GRID2: variants seen among roughly 807,000 people sequenced by gnomAD.
GRID2 encodes the protein glutamate ionotropic receptor delta type subunit 2, also known as glutamate receptor ionotropic, delta-2.
In GRID2, 33 loss-of-function variants were observed where a neutral mutation model predicts 114.8. The observed-to-expected ratio is 0.29, with a 90% confidence interval of 0.22 to 0.38. The LOEUF (loss-of-function observed/expected upper bound fraction) is 0.38, where lower values mean the gene tolerates loss of function less well. Ranked by LOEUF, GRID2 falls within the 10% of genes least tolerant of loss-of-function variation. The probability of loss-of-function intolerance (pLI) is 1.00; values close to 1 mark genes in which losing one functional copy is unlikely to be tolerated. For synonymous variants in GRID2, 505 were observed against 449.9 expected, an observed-to-expected ratio of 1.12 and a Z score of -1.55; for missense variants, 1,184 against 1,257.7, an observed-to-expected ratio of 0.94 and a Z score of 0.89.
intron 2 of GRID2, among the ~76,000 whole-genome samples, chr4:92,601,174 A>T (rs1560482603): frequency 6.6e-6 from 1 of 152,226 alleles, no homozygotes; most frequent in Non-Finnish European, 1.5e-5. Flanking sequence ...TCTGCCACAG[A>T]TCAAGTGGAC....
intron 4 of GRID2, among the ~76,000 whole-genome samples, chr4:93,124,117 G>GAA (rs67692016): frequency 0.39 from 56,598 of 143,480 alleles, 11,440 homozygotes; most frequent in Admixed American, 0.55. Flanking sequence ...AAAAAAAAAA[G>GAA]AAAAAAAAAA....
chr4:92,319,472 A>G (rs1273655434), intron 1 of GRID2, among the ~76,000 whole-genome samples: 2 of 152,248 alleles, frequency 1.3e-5, no homozygotes, highest in Non-Finnish European at 2.9e-5. Context: ...CCTTAGAGGC[A>G]GCAAAGAGGT....
chr4:93,189,526 A>G (rs2149445414), intron 4 of GRID2, among the ~76,000 whole-genome samples: 1 of 152,310 alleles, frequency 6.6e-6, no homozygotes, highest in Admixed American at 6.5e-5. Flanking sequence ...TTGGAGGGAT[A>G]CAAACATTCA....
At chr4:92,878,141 A>G (rs1427485691) in intron 2 of GRID2, among the ~76,000 whole-genome samples, 1 of 152,180 alleles carries the variant, frequency 6.6e-6, no homozygotes, top group Admixed American at 6.5e-5. Context: ...AAGCAGTTAG[A>G]TATCTACTTT....
chr4:93,341,277 T>C (rs1021106789), intron 8 of GRID2, among the ~76,000 whole-genome samples: 2 of 152,092 alleles, frequency 1.3e-5, no homozygotes, highest in Non-Finnish European at 2.9e-5. Flanking sequence ...TCTAAAACTT[T>C]TTTTTCCCCT....
chr4:93,772,435 T>C lies in GRID2; in HGVS notation c.2961T>C (p.Tyr987=). The change falls in exon 16 of 16, where the codon TAT becomes TAC. Residue 987 remains tyrosine (Y), a synonymous_variant. Coordinates refer to ENST00000282020, the MANE Select transcript of GRID2 (RefSeq NM_001510.4). ...TAAAAACAATGTCATCTATTCCTTATCAACCAACTCCTACCCTGGGGCTCA... is the reference window on the plus strand; with the variant it reads ...TAAAAACAATGTCATCTATTCCTTACCAACCAACTCCTACCCTGGGGCTCA... The part of the protein sequence containing the change: ...SPIKTMSSIP[Y]QPTPTLGLNL... 1 of 1,613,436 alleles carries C rather than the reference T, an allele frequency of 6.2e-7. No individual in the cohort carries two copies. Among genetic ancestry groups the C allele is most frequent in the Non-Finnish European group, 8.5e-7 (1 of 1,179,612 alleles).
At chr4:93,082,915 C>T (rs1268466442) in intron 2 of GRID2, among the ~76,000 whole-genome samples, 1 of 152,128 alleles carries the variant, frequency 6.6e-6, no homozygotes, top group African/African-American at 2.4e-5. Context: ...TAATATATGA[C>T]TTTTCATTTT....
chr4:93,204,194 T>C (rs1742418696), intron 4 of GRID2: 1 of 152,192 alleles, frequency 6.6e-6, no homozygotes, highest in African/African-American at 2.4e-5. Context: ...TTTAGTAACC[T>C]AAATTGGAGA....
intron 14 of GRID2, among the ~76,000 whole-genome samples, chr4:93,732,661 C>A (rs963858973): frequency 6.6e-6 from 1 of 151,662 alleles, no homozygotes; most frequent in Non-Finnish European, 1.5e-5. Context: ...TGTTTTCTTC[C>A]CCCATCAAGC....
chr4:93,318,824 G>A (rs1756943116), intron 8 of GRID2: 1 of 152,124 alleles, frequency 6.6e-6, no homozygotes, highest in Non-Finnish European at 1.5e-5. Context: ...GGCATGGCTG[G>A]AGTCACAGCA....
intron 8 of GRID2, among the ~76,000 whole-genome samples, chr4:93,392,239 TA>T (rs753110177): frequency 1.3e-5 from 2 of 151,672 alleles, no homozygotes; most frequent in Admixed American, 6.6e-5. Flanking sequence ...GACTCATTGT[TA>T]AAAAAAACAG....
intron 1 of GRID2, among the ~76,000 whole-genome samples, chr4:92,457,746 A>G (rs1165946948): frequency 6.6e-6 from 1 of 152,084 alleles, no homozygotes; most frequent in Admixed American, 6.6e-5. Context: ...TTTGCCTCCA[A>G]GAGAAAAGGC....
At chr4:92,652,247 T>G (rs1048761857) in intron 2 of GRID2, among the ~76,000 whole-genome samples, 2 of 151,990 alleles carry the variant, frequency 1.3e-5, no homozygotes, top group African/African-American at 4.8e-5. Context: ...CTTTACTCGG[T>G]CTACTGATTC....
chr4:93,225,230 T>C (rs185240096), intron 7 of GRID2, among the ~76,000 whole-genome samples: 3 of 152,326 alleles, frequency 2.0e-5, no homozygotes, highest in East Asian at 3.9e-4. Context: ...AAGTAGATAA[T>C]ATGTTGCAGC....
intron 2 of GRID2, among the ~76,000 whole-genome samples, chr4:93,001,000 A>G (rs1432515476): frequency 6.6e-6 from 1 of 151,656 alleles, no homozygotes; most frequent in Non-Finnish European, 1.5e-5. Flanking sequence ...GTAGATAAAT[A>G]AAATAAATAG....
At chr4:93,149,752 G>A (rs773874133) in intron 4 of GRID2, among the ~76,000 whole-genome samples, 21 of 151,810 alleles carry the variant, frequency 1.4e-4, no homozygotes, top group Non-Finnish European at 2.6e-4. Flanking sequence ...TCCTGCCTCA[G>A]CCTCCCGAGT....
At chr4:93,698,460 A>T (rs562021981) in intron 14 of GRID2, among the ~76,000 whole-genome samples, 3 of 152,198 alleles carry the variant, frequency 2.0e-5, no homozygotes, top group South Asian at 4.1e-4. Flanking sequence ...TAAATATGTA[A>T]AAGTAAATGT....
intron 8 of GRID2, among the ~76,000 whole-genome samples, chr4:93,279,534 T>C (rs1436865812): frequency 1.3e-5 from 2 of 152,022 alleles, no homozygotes; most frequent in African/African-American, 4.8e-5. Context: ...GTAATTTTAA[T>C]ATAATTCTAT....
intron 10 of GRID2, among the ~76,000 whole-genome samples, chr4:93,433,063 C>T (rs572438030): frequency 5.3e-5 from 8 of 152,080 alleles, no homozygotes; most frequent in African/African-American, 1.2e-4. Context: ...GAGTGAGATC[C>T]GTCTCCAATA....
Sources: gnomAD v4.1 joint callset for allele counts (sites outside exome capture counted in the v4.1 genomes callset) on GRCh38, gnomAD v4.1.1 for gene constraint, MANE v1.5 for transcripts, NCBI Gene and HGNC (gene_info 2026-07-23, HGNC 2026-07-21) for gene names.